Variants in PDZD9 observed in about 807,000 individuals in gnomAD.
PDZD9 encodes the protein PDZ domain containing 9.
PDZD9 carries 13 observed loss-of-function variants against 16.3 expected under a neutral mutation model. The ratio of observed to expected loss-of-function variants is 0.80; its 90% CI spans 0.52 to 1.27. The LOEUF is 1.27. Among genes scored for constraint, PDZD9 ranks in the 50% most tolerant of loss-of-function variants. The probability of loss-of-function intolerance (pLI) is 0.00; values close to 1 mark genes in which losing one functional copy is unlikely to be tolerated. For synonymous variants in PDZD9, 120 were observed against 111.0 expected, an observed-to-expected ratio of 1.08 and a Z score of -0.51; for missense variants, 288 against 310.9, an observed-to-expected ratio of 0.93 and a Z score of 0.55.
chr16:21,984,336 A>G lies in PDZD9; in HGVS notation c.726T>C (p.Asp242=), dbSNP rs761043770. 2 of 1,614,134 alleles carry G rather than the reference A, an allele frequency of 1.2e-6. No homozygotes were observed. The highest frequency in any genetic ancestry group is 1.7e-5 in the Admixed American group (1 of 60,022). The change falls in exon 4 of 4, where the codon GAT becomes GAC. Residue 242 remains aspartate, a synonymous_variant. Transcript: ENST00000424898. ...GGGCACAATCTTCCAGCCAAAATGC[A>G]TCTGAGGTAGAGGAGGTAGAGGAGG... The part of the protein sequence containing the change: ...SSSSSTSSTS[D]AFWLEDCAQV...
At chr16:21,983,099 G>A (rs1898775018), downstream of PDZD9, 1 of 1,613,910 alleles carries the variant, frequency 6.2e-7, no homozygotes, top group African/African-American at 1.3e-5. Context: ...CGGCAAAGAA[G>A]TTTGTTTCTG....
chr16:21,989,599 C>T (rs1397064324), intron 2 of PDZD9, among the ~76,000 whole-genome samples: 1 of 152,140 alleles, frequency 6.6e-6, no homozygotes, highest in African/African-American at 2.4e-5. Flanking sequence ...ATTCTCTACC[C>T]TTGTGCAGTA....
At chr16:21,974,917 GACGTGA>G in the PDZD9 span, among the ~76,000 whole-genome samples, 1 of 152,198 alleles carries the variant, frequency 6.6e-6, no homozygotes, top group African/African-American at 2.4e-5. Flanking sequence ...TGTTTTGACA[GACGTGA>G]GAGGAAAGTT....
At chr16:21,980,795 T>A, downstream of PDZD9, 1 of 1,447,284 alleles carries the variant, frequency 6.9e-7, no homozygotes, top group Admixed American at 2.1e-5. Flanking sequence ...GGCAGTGTAT[T>A]ATTCTTATGT....
At chr16:21,989,703 A>G (rs1025123079) in intron 2 of PDZD9, among the ~76,000 whole-genome samples, 1 of 152,172 alleles carries the variant, frequency 6.6e-6, no homozygotes, top group African/African-American at 2.4e-5. Flanking sequence ...GTTTAAAGGG[A>G]TTTGACAGCT....
At chr16:21,995,631 T>TCTGA in intron 2 of PDZD9, among the ~76,000 whole-genome samples, 1 of 152,242 alleles carries the variant, frequency 6.6e-6, no homozygotes, top group East Asian at 1.9e-4. Flanking sequence ...AGAGTCTCAC[T>TCTGA]CTGTCACCCA....
chr16:21,983,086 A>C, downstream of PDZD9: 1 of 1,612,742 alleles, frequency 6.2e-7, no homozygotes, highest in Non-Finnish European at 8.5e-7. Flanking sequence ...GTTTCTTTAA[A>C]GGCGGCAAAG....
chr16:21,977,806 T>G, the PDZD9 span, among the ~76,000 whole-genome samples: 2 of 152,204 alleles, frequency 1.3e-5, no homozygotes, highest in Admixed American at 1.3e-4. Flanking sequence ...GGAACAACCT[T>G]TTGGTCATTT....
chr16:21,977,198 T>C, the PDZD9 span, among the ~76,000 whole-genome samples: 1 of 152,018 alleles, frequency 6.6e-6, no homozygotes, highest in East Asian at 1.9e-4. Flanking sequence ...CAAAAAGATA[T>C]TTAAAACTAG....
chr16:21,995,442 G>T, intron 2 of PDZD9: 1 of 307,380 alleles, frequency 3.3e-6, no homozygotes, highest in Non-Finnish European at 6.5e-6. Flanking sequence ...TTGAATTCCT[G>T]GCATCAACGG....
chr16:21,962,175 T>C, the PDZD9 span: 1 of 382,306 alleles, frequency 2.6e-6, no homozygotes, highest in Non-Finnish European at 4.8e-6. Flanking sequence ...CATACAATAT[T>C]TGTCCCTTTG....
chr16:21,994,941 C>T (rs1040956838), intron 2 of PDZD9, among the ~76,000 whole-genome samples: 1 of 152,056 alleles, frequency 6.6e-6, no homozygotes, highest in Non-Finnish European at 1.5e-5. Flanking sequence ...AGTGATCCTC[C>T]CACCTCAGCC....
At chr16:21,982,566 T>C (rs1259139521), downstream of PDZD9, among the ~76,000 whole-genome samples, 2 of 152,204 alleles carry the variant, frequency 1.3e-5, no homozygotes, top group African/African-American at 4.8e-5. Flanking sequence ...AATGGGACTT[T>C]CAGAGAAACA....
At chr16:21,989,896 A>G (rs898687428) in intron 2 of PDZD9, among the ~76,000 whole-genome samples, 2 of 151,934 alleles carry the variant, frequency 1.3e-5, no homozygotes, top group African/African-American at 2.4e-5. Context: ...CCATGTCCCC[A>G]CCTCCAGCAG....
the PDZD9 span, chr16:21,968,659 G>A: frequency 6.2e-7 from 1 of 1,609,396 alleles, no homozygotes; most frequent in Non-Finnish European, 8.5e-7. Context: ...CATTTCACAA[G>A]TGCAAGAATG....
chr16:21,985,662 G>A (rs1597975082), intron 3 of PDZD9, among the ~76,000 whole-genome samples: 1 of 152,276 alleles, frequency 6.6e-6, no homozygotes, highest in South Asian at 2.1e-4. Flanking sequence ...AGATCTTTGT[G>A]ATTACAAATC....
chr16:21,973,841 C>A, the PDZD9 span: 1 of 1,520,430 alleles, frequency 6.6e-7, no homozygotes, highest in South Asian at 1.2e-5. Context: ...TTAAAGAAAT[C>A]GTGCCCTGTT....
chr16:21,962,213 G>A, the PDZD9 span: 1 of 491,436 alleles, frequency 2.0e-6, no homozygotes, highest in Non-Finnish European at 3.7e-6. Context: ...TTAGCATAAT[G>A]TCCTCAGGGT....
the PDZD9 span, among the ~76,000 whole-genome samples, chr16:21,965,134 G>A: frequency 6.6e-6 from 1 of 152,220 alleles, no homozygotes; most frequent in Non-Finnish European, 1.5e-5. Flanking sequence ...CCTTCCAAGT[G>A]ATACCAGCTA....
Sources: allele counts gnomAD v4.1 joint callset (sites outside exome capture counted in the v4.1 genomes callset), GRCh38; gene constraint gnomAD v4.1.1; transcripts MANE v1.5; gene names NCBI Gene and HGNC (gene_info 2026-07-23, HGNC 2026-07-21).